Variants in ILRUN observed in about 807,000 individuals in gnomAD.
ILRUN encodes inflammation and lipid regulator with UBA-like and NBR1-like domains.
In ILRUN, 3 loss-of-function variants were observed where a neutral mutation model predicts 33.8. The observed-to-expected ratio is 0.09, with a 90% CI of 0.04 to 0.23. The LOEUF is 0.23. Among genes scored for constraint, ILRUN ranks in the 10% least tolerant of loss-of-function variants. The pLI, the probability that ILRUN is intolerant of heterozygous loss-of-function variation, is 1.00. For synonymous variants in ILRUN, 124 were observed against 138.9 expected (o/e 0.89, Z 0.75); for missense variants, 210 against 375.1 (o/e 0.56, Z 3.64).
At chr6:34,593,993 A>G (rs1761345765) in intron 4 of ILRUN, among the ~76,000 whole-genome samples, 1 of 152,150 alleles carries the variant, frequency 6.6e-6, no homozygotes, top group African/African-American at 2.4e-5. Context: ...GCCCATCCAC[A>G]TTTCAGATTC....
intron 3 of ILRUN, among the ~76,000 whole-genome samples, chr6:34,618,562 C>G (rs1368391001): frequency 6.6e-6 from 1 of 152,202 alleles, no homozygotes; most frequent in Non-Finnish European, 1.5e-5. Context: ...AAGATGCTTC[C>G]CTCCTCCTTC....
intron 1 of ILRUN, among the ~76,000 whole-genome samples, chr6:34,681,121 CATCATGTATCATTCAATCA>C (rs1437327580): frequency 6.6e-6 from 1 of 151,894 alleles, no homozygotes; most frequent in Non-Finnish European, 1.5e-5. Flanking sequence ...TTTAGAAGCA[CATCATGTATCATTCAATCA>C]ATCATTAGAA....
At chr6:34,636,016 G>A (rs897156022) in intron 3 of ILRUN, among the ~76,000 whole-genome samples, 2 of 152,188 alleles carry the variant, frequency 1.3e-5, no homozygotes, top group East Asian at 1.9e-4. Context: ...CCAGCACTTC[G>A]GGAGGCGAAG....
At position 34,641,200 on chromosome 6, in the gene ILRUN, T is replaced by C. The variant is rs76192779; in HGVS notation, c.511+5401A>G. Among the ~76,000 whole-genome samples the C allele has an allele frequency of 2.9e-4, 44 of 152,208 alleles. No individual in the cohort carries two copies. In the East Asian group the frequency reaches 7.7e-3, roughly 27 times the overall value. ...AGGTCCAGAGAAGTTACCTAATTTG[T>C]CCAAGTTTGTGCCTAGGCAACAGAG... On this transcript the variant is annotated intron_variant, in intron 3 of 4. Transcript: ENST00000374023.
intron 3 of ILRUN, among the ~76,000 whole-genome samples, chr6:34,621,913 T>C (rs1215582149): frequency 1.3e-5 from 2 of 150,876 alleles, no homozygotes; most frequent in Non-Finnish European, 1.5e-5. Flanking sequence ...TTAAGACCAA[T>C]GGAATAGAAG....
chr6:34,682,860 C>A (rs902813284), intron 1 of ILRUN, among the ~76,000 whole-genome samples: 2 of 152,014 alleles, frequency 1.3e-5, no homozygotes, highest in African/African-American at 4.8e-5. Flanking sequence ...CACGTGCCCT[C>A]CCTCAAACCT....
chr6:34,625,520 T>C (rs1209493332), intron 3 of ILRUN, among the ~76,000 whole-genome samples: 1 of 152,174 alleles, frequency 6.6e-6, no homozygotes, highest in Non-Finnish European at 1.5e-5. Flanking sequence ...TACACCTTGA[T>C]CTGTGATGGT....
intron 3 of ILRUN, among the ~76,000 whole-genome samples, chr6:34,636,393 A>G (rs1326598636): frequency 6.7e-6 from 1 of 150,146 alleles, no homozygotes; most frequent in Non-Finnish European, 1.5e-5. Context: ...GAGAAAAATA[A>G]AAAGCTAAAG....
intron 1 of ILRUN, chr6:34,685,491 T>C (rs2814947): frequency 0.45 from 67,586 of 151,778 alleles, 17,085 homozygotes; most frequent in African/African-American, 0.7. Flanking sequence ...GGTGGTCTCC[T>C]GCTCCCGGGA....
chr6:34,643,021 C>A (rs182457819), intron 3 of ILRUN, among the ~76,000 whole-genome samples: 1 of 150,718 alleles, frequency 6.6e-6, no homozygotes, highest in East Asian at 2.0e-4. Context: ...AGAGGCCAGG[C>A]GCAGTGGCTC....
chr6:34,598,002 T>A (rs1166459444), intron 4 of ILRUN, among the ~76,000 whole-genome samples: 2 of 152,220 alleles, frequency 1.3e-5, no homozygotes, highest in Non-Finnish European at 2.9e-5. Context: ...AAAAGTCAAC[T>A]AGAATTCAAC....
chr6:34,608,083 A>C (rs1011248555), intron 3 of ILRUN, among the ~76,000 whole-genome samples: 1 of 145,892 alleles, frequency 6.9e-6, no homozygotes, highest in Non-Finnish European at 1.5e-5. Context: ...ACACAGCACC[A>C]CCCTGTCTTA....
intron 3 of ILRUN, among the ~76,000 whole-genome samples, chr6:34,644,663 A>G (rs1376389226): frequency 1.3e-5 from 2 of 152,188 alleles, no homozygotes; most frequent in Non-Finnish European, 2.9e-5. Flanking sequence ...GATAAGCAAA[A>G]CAAATACCTA....
chr6:34,669,295 T>C (rs1205175661), intron 1 of ILRUN, among the ~76,000 whole-genome samples: 1 of 150,690 alleles, frequency 6.6e-6, no homozygotes, highest in Non-Finnish European at 1.5e-5. Flanking sequence ...AGCTATTTTT[T>C]TTTTTTTTTT....
At chr6:34,669,169 G>C (rs1220892357) in intron 1 of ILRUN, among the ~76,000 whole-genome samples, 1 of 151,854 alleles carries the variant, frequency 6.6e-6, no homozygotes, top group Non-Finnish European at 1.5e-5. Context: ...TGTTGCCCAG[G>C]CTGGAAGGCA....
At chr6:34,622,197 C>T (rs1762025907) in intron 3 of ILRUN, among the ~76,000 whole-genome samples, 1 of 152,138 alleles carries the variant, frequency 6.6e-6, no homozygotes, top group African/African-American at 2.4e-5. Context: ...GCAATGGTTT[C>T]TTGGACATGA....
At chr6:34,630,303 G>A (rs1762217755) in intron 3 of ILRUN, among the ~76,000 whole-genome samples, 1 of 152,202 alleles carries the variant, frequency 6.6e-6, no homozygotes, top group Non-Finnish European at 1.5e-5. Context: ...GACTGTGTTT[G>A]ACTATGGGTA....
chr6:34,590,991 G>A (rs1482808260), intron 4 of ILRUN, among the ~76,000 whole-genome samples: 2 of 152,190 alleles, frequency 1.3e-5, no homozygotes, highest in Non-Finnish European at 2.9e-5. Context: ...AACTTCAGAT[G>A]TAAGGCTACT....
intron 1 of ILRUN, among the ~76,000 whole-genome samples, chr6:34,690,468 A>G (rs1052564479): frequency 1.3e-5 from 2 of 152,018 alleles, no homozygotes; most frequent in African/African-American, 4.8e-5. Flanking sequence ...CTCAAAAAAA[A>G]ATTAAAAATA....
Sources: allele counts gnomAD v4.1 joint callset (sites outside exome capture counted in the v4.1 genomes callset), GRCh38; gene constraint gnomAD v4.1.1; transcripts MANE v1.5; gene names NCBI Gene and HGNC (gene_info 2026-07-23, HGNC 2026-07-21).